The following FAM83A variants were observed in gnomAD, a reference collection of about 807,000 sequenced individuals.
The protein encoded by FAM83A is protein FAM83A.
Under a neutral mutation model 24.4 loss-of-function variants are expected in FAM83A, and 21 were observed. The ratio of observed to expected loss-of-function variants is 0.86; its 90% CI spans 0.61 to 1.24. The LOEUF (loss-of-function observed/expected upper bound fraction) is 1.24, where lower values mean the gene tolerates loss of function less well. Among genes scored for constraint, FAM83A ranks in the 50% most tolerant of loss-of-function variants. FAM83A has a pLI of 0.00. For missense variants in FAM83A, 617 were observed against 579.8 expected, an observed-to-expected ratio of 1.06 and a Z score of -0.66; for synonymous variants, 270 against 252.4, an observed-to-expected ratio of 1.07 and a Z score of -0.66.
At chr8:123,208,461 G>A (rs957251903) in exon 4 of FAM83A, 4 of 985,398 alleles carry the variant, frequency 4.1e-6, no homozygotes, top group African/African-American at 1.7e-5. Context: ...AGTTGTCAGG[G>A]GCCAGGACTG....
intron 1 of FAM83A, among the ~76,000 whole-genome samples, chr8:123,184,009 G>A (rs901635263): frequency 1.2e-4 from 18 of 151,998 alleles, no homozygotes; most frequent in Non-Finnish European, 1.8e-4. Flanking sequence ...TTTTCTGTAC[G>A]ACAAATCTAA....
intron 1 of FAM83A, among the ~76,000 whole-genome samples, chr8:123,186,230 A>C (rs968751976): frequency 7.2e-5 from 11 of 151,996 alleles, no homozygotes; most frequent in Non-Finnish European, 1.3e-4. Flanking sequence ...TGCACACACA[A>C]ACACACACAC....
intron 3 of FAM83A, among the ~76,000 whole-genome samples, chr8:123,204,185 G>A (rs1408639918): frequency 6.6e-6 from 1 of 151,908 alleles, no homozygotes; most frequent in East Asian, 1.9e-4. Flanking sequence ...GGCCAAGCAG[G>A]GAGGATCACT....
intron 3 of FAM83A, among the ~76,000 whole-genome samples, chr8:123,206,415 G>C (rs983496509): frequency 6.6e-6 from 1 of 152,168 alleles, no homozygotes; most frequent in African/African-American, 2.4e-5. Context: ...GAACGCTTTA[G>C]ATTTTCGTGA....
intron 1 of FAM83A, 73 bp downstream of exon 1, chr8:123,183,409 G>C: frequency 6.5e-7 from 1 of 1,538,742 alleles, no homozygotes; most frequent in Non-Finnish European, 8.7e-7. Context: ...GCAGGGAGGG[G>C]GGTGCATTTT....
At chr8:123,182,651 C>A (rs541958395), upstream of FAM83A, 27 of 825,864 alleles carry the variant, frequency 3.3e-5, no homozygotes, top group Non-Finnish European at 5.2e-5. Flanking sequence ...AAGCCAATCC[C>A]GCAGCTGCAG....
At chr8:123,186,460 C>T (rs1437187374) in intron 1 of FAM83A, among the ~76,000 whole-genome samples, 1 of 152,224 alleles carries the variant, frequency 6.6e-6, no homozygotes, top group Non-Finnish European at 1.5e-5. Flanking sequence ...AGAGTCCCAG[C>T]ATGAGAGATG....
chr8:123,204,463 A>T (rs1824472260), intron 3 of FAM83A, among the ~76,000 whole-genome samples: 1 of 152,218 alleles, frequency 6.6e-6, no homozygotes. Flanking sequence ...CCAAACAACA[A>T]TAGAAATAAA....
chr8:123,192,616 T>C (rs980988657), intron 2 of FAM83A, among the ~76,000 whole-genome samples: 23 of 152,314 alleles, frequency 1.5e-4, no homozygotes, highest in South Asian at 6.2e-4. Flanking sequence ...GAACAGCTGA[T>C]TGGTGGCCCT....
At chr8:123,203,548 A>C (rs184087915) in intron 3 of FAM83A, among the ~76,000 whole-genome samples, 40 of 147,660 alleles carry the variant, frequency 2.7e-4, no homozygotes, top group Non-Finnish European at 4.6e-4. Flanking sequence ...AGATCAAGCC[A>C]CTGCACTCCA....
At chr8:123,207,450 G>A in exon 4 of FAM83A, 1 of 1,598,672 alleles carries the variant, frequency 6.3e-7, no homozygotes, top group South Asian at 1.1e-5. Flanking sequence ...TCAGGGCCCT[G>A]TAGCCCCGCG....
intron 3 of FAM83A, among the ~76,000 whole-genome samples, chr8:123,204,041 A>T (rs1018507216): frequency 6.6e-6 from 1 of 152,008 alleles, no homozygotes; most frequent in Non-Finnish European, 1.5e-5. Context: ...AGGATTCATG[A>T]TGTGCTGAGT....
intron 1 of FAM83A, among the ~76,000 whole-genome samples, chr8:123,187,719 G>A (rs1042640909): frequency 6.6e-6 from 1 of 152,176 alleles, no homozygotes. Context: ...GTGGAAGGGG[G>A]TCCTGACACA....
At chr8:123,193,797 T>C (rs940100907) in intron 2 of FAM83A, among the ~76,000 whole-genome samples, 3 of 152,078 alleles carry the variant, frequency 2.0e-5, no homozygotes, top group Non-Finnish European at 2.9e-5. Context: ...GCAGAAGGAG[T>C]GAGGCAGATC....
intron 1 of FAM83A, among the ~76,000 whole-genome samples, chr8:123,186,966 T>G (rs1823820288): frequency 6.6e-6 from 1 of 152,076 alleles, no homozygotes; most frequent in Non-Finnish European, 1.5e-5. Flanking sequence ...GGAGAAAGAA[T>G]TAGACGATGG....
intron 3 of FAM83A, among the ~76,000 whole-genome samples, chr8:123,195,034 T>C (rs1824101012): frequency 6.6e-6 from 1 of 152,038 alleles, no homozygotes; most frequent in African/African-American, 2.4e-5. Flanking sequence ...GTGGCGGCGC[T>C]AGGGAAGTGG....
At chr8:123,196,066 CA>C (rs1824141400) in intron 3 of FAM83A, among the ~76,000 whole-genome samples, 1 of 152,238 alleles carries the variant, frequency 6.6e-6, no homozygotes, top group African/African-American at 2.4e-5. Flanking sequence ...GGCTGGAGTG[CA>C]GTGGTGCAAT....
chr8:123,181,060 G>C (rs911898152), upstream of FAM83A, among the ~76,000 whole-genome samples: 4 of 152,044 alleles, frequency 2.6e-5, no homozygotes, highest in Non-Finnish European at 5.9e-5. Context: ...TCTCCTGCCT[G>C]ATCTCCTGCC....
chr8:123,203,586 C>CAAAAAAAAAAAAAAAAAAAAAA (rs1187426797), intron 3 of FAM83A, among the ~76,000 whole-genome samples: 2 of 41,132 alleles, frequency 4.9e-5, no homozygotes, highest in East Asian at 7.6e-4. Flanking sequence ...AGATCTGTCT[C>CAAAAAAAAAAAAAAAAAAAAAA]AAAAAAAAAA....
Sources: allele counts gnomAD v4.1 joint callset (sites outside exome capture counted in the v4.1 genomes callset), GRCh38; gene constraint gnomAD v4.1.1; transcripts MANE v1.5; gene names NCBI Gene and HGNC (gene_info 2026-07-23, HGNC 2026-07-21).